The following LSAMP variants were observed in gnomAD, a reference collection of about 807,000 sequenced individuals.
The protein encoded by LSAMP is limbic system-associated membrane protein.
LSAMP carries 7 observed loss-of-function variants against 38.6 expected under a neutral mutation model. The ratio of observed to expected loss-of-function variants is 0.18; its 90% CI spans 0.10 to 0.34. The LOEUF (loss-of-function observed/expected upper bound fraction) is 0.34, where lower values mean the gene tolerates loss of function less well. Among genes scored for constraint, LSAMP ranks in the 10% least tolerant of loss-of-function variants. LSAMP has a pLI of 1.00. For missense variants in LSAMP, 313 were observed against 420.0 expected (o/e 0.75, Z 2.23); for synonymous variants, 154 against 166.8 (o/e 0.92, Z 0.59).
chr3:115,940,488 T>C (rs1019798506), intron 3 of LSAMP, among the ~76,000 whole-genome samples: 1 of 152,146 alleles, frequency 6.6e-6, no homozygotes, highest in Non-Finnish European at 1.5e-5. Context: ...ACACAAAAGT[T>C]CTCCAAGTCC....
chr3:116,343,136 A>T (rs1425492379), intron 1 of LSAMP, among the ~76,000 whole-genome samples: 6 of 152,130 alleles, frequency 3.9e-5, no homozygotes, highest in Admixed American at 2.6e-4. Context: ...TTGACCATCC[A>T]TCTCTGATCC....
At chr3:115,922,124 C>T (rs549698368) in intron 3 of LSAMP, among the ~76,000 whole-genome samples, 1 of 152,160 alleles carries the variant, frequency 6.6e-6, no homozygotes, top group East Asian at 1.9e-4. Context: ...TGATTTTTTC[C>T]TCCAGACTTG....
chr3:116,236,559 C>T (rs1022094356), intron 1 of LSAMP, among the ~76,000 whole-genome samples: 2 of 152,070 alleles, frequency 1.3e-5, no homozygotes, highest in African/African-American at 2.4e-5. Context: ...AACATTGAAC[C>T]ATGGCTTCTT....
chr3:116,056,862 A>G (rs1264776794), intron 2 of LSAMP, among the ~76,000 whole-genome samples: 1 of 152,292 alleles, frequency 6.6e-6, no homozygotes, highest in East Asian at 1.9e-4. Context: ...TGATTTGCAG[A>G]TTCACTAAGT....
chr3:116,007,025 C>T (rs1460310280), intron 3 of LSAMP, among the ~76,000 whole-genome samples: 1 of 152,122 alleles, frequency 6.6e-6, no homozygotes, highest in Non-Finnish European at 1.5e-5. Flanking sequence ...CAAAGAGTGA[C>T]ATTTTAGTTT....
At chr3:116,126,277 T>C (rs1228813387) in intron 1 of LSAMP, among the ~76,000 whole-genome samples, 1 of 152,098 alleles carries the variant, frequency 6.6e-6, no homozygotes, top group East Asian at 1.9e-4. Context: ...CCACCCTAGG[T>C]ACCACAGTGA....
At chr3:116,346,374 G>A (rs2048064467) in intron 1 of LSAMP, among the ~76,000 whole-genome samples, 1 of 147,964 alleles carries the variant, frequency 6.8e-6, no homozygotes, top group Non-Finnish European at 1.5e-5. Flanking sequence ...TGTTGGCCAA[G>A]ATGGAATGCA....
intron 1 of LSAMP, among the ~76,000 whole-genome samples, chr3:116,210,186 G>A (rs1297551530): frequency 6.6e-6 from 1 of 152,162 alleles, no homozygotes; most frequent in Non-Finnish European, 1.5e-5. Flanking sequence ...TGATTTTGAT[G>A]GTTAATATTG....
intron 1 of LSAMP, among the ~76,000 whole-genome samples, chr3:116,200,527 T>C (rs2045973943): frequency 6.6e-6 from 1 of 152,142 alleles, no homozygotes; most frequent in African/African-American, 2.4e-5. Context: ...GACTTGCTTC[T>C]CTCTAGCTTC....
At chr3:116,358,238 A>G (rs1427840132) in intron 1 of LSAMP, among the ~76,000 whole-genome samples, 1 of 152,238 alleles carries the variant, frequency 6.6e-6, no homozygotes, top group Non-Finnish European at 1.5e-5. Flanking sequence ...AAAGAATTCT[A>G]GCAGGCCAAA....
chr3:115,943,410 G>A (rs1937993940), intron 3 of LSAMP, among the ~76,000 whole-genome samples: 1 of 152,154 alleles, frequency 6.6e-6, no homozygotes, highest in South Asian at 2.1e-4. Context: ...AGTCAAAATG[G>A]ACCTCTCTTC....
chr3:116,128,627 G>A (rs1294629091), intron 1 of LSAMP, among the ~76,000 whole-genome samples: 1 of 152,122 alleles, frequency 6.6e-6, no homozygotes, highest in Non-Finnish European at 1.5e-5. Context: ...TTGCACATTG[G>A]GATACCCCTT....
At chr3:116,309,481 A>G (rs2047528032) in intron 1 of LSAMP, among the ~76,000 whole-genome samples, 1 of 152,140 alleles carries the variant, frequency 6.6e-6, no homozygotes, top group Non-Finnish European at 1.5e-5. Context: ...AAATCAATTT[A>G]AATTTAAATA....
chr3:116,384,572 A>C (rs956584756), intron 1 of LSAMP, among the ~76,000 whole-genome samples: 1 of 152,142 alleles, frequency 6.6e-6, no homozygotes, highest in African/African-American at 2.4e-5. Context: ...TAGGATACAG[A>C]GTGAGGTGGG....
At chr3:116,008,860 A>G (rs1940243067) in intron 3 of LSAMP, among the ~76,000 whole-genome samples, 2 of 152,114 alleles carry the variant, frequency 1.3e-5, no homozygotes, top group South Asian at 4.1e-4. Context: ...TCAAAATTTA[A>G]TGAGCACCTG....
chr3:116,267,778 TCTAC>T (rs1304915623), intron 1 of LSAMP, among the ~76,000 whole-genome samples: 7 of 152,130 alleles, frequency 4.6e-5, no homozygotes, highest in Non-Finnish European at 1.0e-4. Flanking sequence ...CAATATTTCT[TCTAC>T]CTATCTATCT....
At chr3:116,260,617 C>T (rs1171232181) in intron 1 of LSAMP, among the ~76,000 whole-genome samples, 1 of 152,156 alleles carries the variant, frequency 6.6e-6, no homozygotes, top group East Asian at 1.9e-4. Flanking sequence ...TGGACACCTT[C>T]TAAGAGTGCT....
intron 1 of LSAMP, among the ~76,000 whole-genome samples, chr3:116,300,717 C>T (rs1013067822): frequency 6.6e-6 from 1 of 152,122 alleles, no homozygotes; most frequent in Non-Finnish European, 1.5e-5. Context: ...CAAAACCACT[C>T]CCCCTACCCC....
chr3:116,413,084 A>G (rs1388850611), intron 1 of LSAMP, among the ~76,000 whole-genome samples: 1 of 152,082 alleles, frequency 6.6e-6, no homozygotes, highest in Non-Finnish European at 1.5e-5. Context: ...ATCCATTTTT[A>G]ACACATCTTC....
Sources: gnomAD v4.1 joint callset for allele counts (sites outside exome capture counted in the v4.1 genomes callset) on GRCh38, gnomAD v4.1.1 for gene constraint, MANE v1.5 for transcripts, NCBI Gene and HGNC (gene_info 2026-07-23, HGNC 2026-07-21) for gene names.